The following MTHFD1L variants were observed in gnomAD, a reference collection of about 807,000 sequenced individuals.
The protein encoded by MTHFD1L is monofunctional C1-tetrahydrofolate synthase, mitochondrial.
In MTHFD1L, 81 loss-of-function variants were observed where a neutral mutation model predicts 119.5. The ratio of observed to expected loss-of-function variants is 0.68; its 90% confidence interval spans 0.57 to 0.82. The LOEUF is 0.82. MTHFD1L is among the 40% of genes least tolerant of loss of function. The probability of loss-of-function intolerance (pLI) is 0.00; values close to 1 mark genes in which losing one functional copy is unlikely to be tolerated. For synonymous variants in MTHFD1L, 430 were observed against 475.2 expected (o/e 0.90, Z 1.24); for missense variants, 1,125 against 1,253.4 (o/e 0.90, Z 1.55).
chr6:150,898,835 T>C (rs1198574258), intron 7 of MTHFD1L: 1 of 373,160 alleles, frequency 2.7e-6, no homozygotes, highest in Non-Finnish European at 5.0e-6. Context: ...AAGATTATTA[T>C]TATTATTATT....
At chr6:150,915,390 A>G (rs899056723) in intron 8 of MTHFD1L, among the ~76,000 whole-genome samples, 2 of 152,140 alleles carry the variant, frequency 1.3e-5, no homozygotes, top group Non-Finnish European at 1.5e-5. Context: ...CTTTAGATGT[A>G]TCAGGAATCA....
At chr6:151,015,825 G>T in intron 24 of MTHFD1L, 132 bp downstream of exon 24, 3 of 1,122,796 alleles carry the variant, frequency 2.7e-6, no homozygotes, top group Non-Finnish European at 1.2e-6. Context: ...AGTGGCTCAC[G>T]CCTGTAATCC....
rs552582882 is a variant in MTHFD1L, at chr6:151,004,042, G to A, written c.2126-5777G>A. On this transcript the variant is annotated intron_variant, in intron 20 of 27. Coordinates refer to ENST00000367321, the MANE Select transcript of MTHFD1L (RefSeq NM_015440.5). The stretch of plus-strand genomic sequence containing the variant: ...AAAAAAAAAAAGAGAGAGAGAGATT[G>A]GTGATTACTTTAAAATCTGAGTCCT... Among the ~76,000 whole-genome samples, 402 of 149,480 alleles carry A rather than the reference G, an allele frequency of 2.7e-3. 1 individual carries two copies. The highest frequency in any genetic ancestry group is 9.0e-3 in the African/African-American group (367 of 40,728).
intron 20 of MTHFD1L, among the ~76,000 whole-genome samples, chr6:150,999,278 G>A (rs147527853): frequency 6.6e-6 from 1 of 152,124 alleles, no homozygotes; most frequent in South Asian, 2.1e-4. Context: ...AGTAAAAAGT[G>A]TTCTGTGTCA....
intron 7 of MTHFD1L, among the ~76,000 whole-genome samples, chr6:150,893,230 A>G (rs1783640890): frequency 6.6e-6 from 1 of 151,930 alleles, no homozygotes; most frequent in Non-Finnish European, 1.5e-5. Flanking sequence ...ATGCCTGGCT[A>G]ATTTTTATAT....
chr6:150,868,389 G>C (rs954866946), intron 1 of MTHFD1L, among the ~76,000 whole-genome samples: 49 of 150,342 alleles, frequency 3.3e-4, no homozygotes, highest in African/African-American at 1.1e-3. Context: ...GCACAGGTTG[G>C]AGTGCAGTGG....
At chr6:150,978,578 A>G (rs567339540) in intron 20 of MTHFD1L, among the ~76,000 whole-genome samples, 1 of 152,302 alleles carries the variant, frequency 6.6e-6, no homozygotes, top group East Asian at 1.9e-4. Flanking sequence ...AGAAATCAGA[A>G]TGAATCGACT....
intron 20 of MTHFD1L, among the ~76,000 whole-genome samples, chr6:150,978,325 C>T (rs77813903): frequency 0.02 from 3,042 of 152,206 alleles, 112 homozygotes; most frequent in African/African-American, 0.07. Context: ...CGGTAGCTTT[C>T]GATGTCCCAT....
At chr6:150,971,277 A>G (rs539686668) in intron 19 of MTHFD1L, among the ~76,000 whole-genome samples, 3 of 152,122 alleles carry the variant, frequency 2.0e-5, no homozygotes, top group South Asian at 4.2e-4. Context: ...GCTCACTGCA[A>G]CCTCCACCTC....
intron 8 of MTHFD1L, among the ~76,000 whole-genome samples, chr6:150,906,323 C>G (rs1290059610): frequency 6.6e-6 from 1 of 152,206 alleles, no homozygotes; most frequent in East Asian, 1.9e-4. Context: ...TGGCATTTTG[C>G]CAAGGTATCC....
At chr6:150,908,147 A>C (rs1786256005) in intron 8 of MTHFD1L, among the ~76,000 whole-genome samples, 1 of 150,110 alleles carries the variant, frequency 6.7e-6, no homozygotes. Flanking sequence ...ACCTCAAGTG[A>C]TCCACCCACC....
chr6:150,907,862 G>C (rs1786199197), intron 8 of MTHFD1L, among the ~76,000 whole-genome samples: 1 of 151,706 alleles, frequency 6.6e-6, no homozygotes, highest in Non-Finnish European at 1.5e-5. Context: ...CCAGTGTCCA[G>C]AATAGTACCT....
intron 26 of MTHFD1L, chr6:151,057,307 G>T: frequency 1.0e-6 from 1 of 985,416 alleles, no homozygotes; most frequent in Non-Finnish European, 1.2e-6. Context: ...GAAAATTGGA[G>T]GCAAAATATA....
intron 27 of MTHFD1L, among the ~76,000 whole-genome samples, chr6:151,093,754 C>A (rs1794658231): frequency 6.6e-6 from 1 of 152,030 alleles, no homozygotes; most frequent in South Asian, 2.1e-4. Flanking sequence ...CTGTGTGGCA[C>A]AACAGGTGTG....
chr6:150,985,416 C>T (rs1226400908), intron 20 of MTHFD1L, among the ~76,000 whole-genome samples: 1 of 152,056 alleles, frequency 6.6e-6, no homozygotes, highest in Non-Finnish European at 1.5e-5. Context: ...TGGCTCATGC[C>T]TGTAATCCCA....
At chr6:150,939,102 A>T in intron 13 of MTHFD1L, 1 of 238,772 alleles carries the variant, frequency 4.2e-6, no homozygotes, top group Non-Finnish European at 8.4e-6. Context: ...CAGAATCTTG[A>T]AACCCTGCTG....
intron 18 of MTHFD1L, among the ~76,000 whole-genome samples, chr6:150,962,442 A>G (rs1771805): frequency 6.6e-6 from 1 of 152,032 alleles, no homozygotes; most frequent in Admixed American, 6.6e-5. Context: ...GCAAAAAGTA[A>G]CTAATTTATT....
intron 27 of MTHFD1L, chr6:151,099,391 C>A: frequency 1.5e-6 from 1 of 653,362 alleles, no homozygotes; most frequent in Non-Finnish European, 2.7e-6. Flanking sequence ...GAGTCATTGA[C>A]CCTCAGGTCA....
At chr6:151,032,575 C>A (rs936958495) in intron 24 of MTHFD1L, among the ~76,000 whole-genome samples, 1 of 152,182 alleles carries the variant, frequency 6.6e-6, no homozygotes, top group Non-Finnish European at 1.5e-5. Flanking sequence ...ACCACATCAA[C>A]CCTTTATTGT....
Sources: gnomAD v4.1 joint callset for allele counts (sites outside exome capture counted in the v4.1 genomes callset) on GRCh38, gnomAD v4.1.1 for gene constraint, MANE v1.5 for transcripts, NCBI Gene and HGNC (gene_info 2026-07-23, HGNC 2026-07-21) for gene names.